Variants in PTPN4 observed in about 807,000 individuals in gnomAD.
PTPN4 encodes the protein tyrosine-protein phosphatase non-receptor type 4.
Under a neutral mutation model 135.5 loss-of-function variants are expected in PTPN4, and 49 were observed. The ratio of observed to expected loss-of-function variants is 0.36; its 90% CI spans 0.29 to 0.46. PTPN4 has a LOEUF of 0.46. Ranked by LOEUF, PTPN4 falls within the 20% of genes least tolerant of loss-of-function variation. PTPN4 has a pLI of 1.00. For synonymous variants in PTPN4, 333 were observed against 369.9 expected, an observed-to-expected ratio of 0.90 and a Z score of 1.14; for missense variants, 860 against 1,101.0, an observed-to-expected ratio of 0.78 and a Z score of 3.10.
At chr2:119,891,754 A>T (rs986988235) in intron 9 of PTPN4, among the ~76,000 whole-genome samples, 1 of 152,152 alleles carries the variant, frequency 6.6e-6, no homozygotes, top group Non-Finnish European at 1.5e-5. Flanking sequence ...CAATAATTTG[A>T]ATTCTTTATT....
At chr2:119,784,487 C>T (rs1270564935) in intron 1 of PTPN4, among the ~76,000 whole-genome samples, 5 of 149,910 alleles carry the variant, frequency 3.3e-5, no homozygotes, top group South Asian at 2.1e-4. Context: ...CCCGGGTTCA[C>T]GCCATTCTCC....
intron 9 of PTPN4, among the ~76,000 whole-genome samples, chr2:119,895,669 C>T (rs1387161568): frequency 6.6e-6 from 1 of 151,896 alleles, no homozygotes; most frequent in African/African-American, 2.4e-5. Context: ...CGCCTGTAAT[C>T]CCAGCACTTT....
chr2:119,844,898 A>G (rs2104974020), intron 2 of PTPN4, among the ~76,000 whole-genome samples: 1 of 151,556 alleles, frequency 6.6e-6, no homozygotes, highest in African/African-American at 2.4e-5. Context: ...AGGCCAAGGC[A>G]GGTGGCTGGG....
chr2:119,835,305 C>T (rs1160227029), intron 2 of PTPN4, among the ~76,000 whole-genome samples: 1 of 152,084 alleles, frequency 6.6e-6, no homozygotes, highest in East Asian at 1.9e-4. Flanking sequence ...CTGCCTCAGC[C>T]TCCTCAGTAG....
At chr2:119,952,855 G>A (rs77001152) in intron 19 of PTPN4, among the ~76,000 whole-genome samples, 4 of 152,290 alleles carry the variant, frequency 2.6e-5, no homozygotes, top group Non-Finnish European at 5.9e-5. Context: ...TACCAATATA[G>A]ATAGAGCACT....
In PTPN4 at chr2:119,954,443, C is replaced by G. The variant is rs147680757; in HGVS notation, c.1814-714C>G. Among the ~76,000 whole-genome samples the G allele has an allele frequency of 3.3e-5, 5 of 152,328 alleles. No individual in the cohort carries two copies. The East Asian group carries it at 9.6e-4, about 29-fold the overall frequency. On this transcript the variant is annotated intron_variant, in intron 19 of 26. Coordinates refer to ENST00000263708, the MANE Select transcript of PTPN4 (RefSeq NM_002830.4). The stretch of plus-strand genomic sequence containing the variant: ...CAGATCTTCATGGGTATTTTCCACA[C>G]ATCCGTTCTCTCAAGGTGGGTTCAC...
intron 2 of PTPN4, among the ~76,000 whole-genome samples, chr2:119,846,519 G>A (rs1476445992): frequency 6.7e-6 from 1 of 150,204 alleles, no homozygotes; most frequent in African/African-American, 2.4e-5. Context: ...AAAGAAAAGT[G>A]TGTCTTTCTT....
At chr2:119,882,206 G>C in intron 7 of PTPN4, 57 bp downstream of exon 7, 5 of 1,479,874 alleles carry the variant, frequency 3.4e-6, no homozygotes, top group Non-Finnish European at 4.7e-6. Flanking sequence ...TGTGTTGCTA[G>C]TACATTGGCT....
At chr2:119,893,172 A>C (rs1347336381) in intron 9 of PTPN4, among the ~76,000 whole-genome samples, 1 of 152,224 alleles carries the variant, frequency 6.6e-6, no homozygotes, top group African/African-American at 2.4e-5. Context: ...TACTAAGGGA[A>C]GAGACTGTTG....
At chr2:119,880,265 T>C (rs1366740834) in intron 5 of PTPN4, 1 of 152,196 alleles carries the variant, frequency 6.6e-6, no homozygotes, top group African/African-American at 2.4e-5. Flanking sequence ...GTTTCTACTT[T>C]TAACAGTTAA....
intron 10 of PTPN4, among the ~76,000 whole-genome samples, chr2:119,912,255 G>A (rs1248297672): frequency 2.6e-5 from 4 of 152,160 alleles, no homozygotes; most frequent in Non-Finnish European, 4.4e-5. Flanking sequence ...TTGGTCAGTG[G>A]TTACGTAGGC....
chr2:119,913,265 A>G (rs919125600), intron 10 of PTPN4, among the ~76,000 whole-genome samples: 1 of 152,126 alleles, frequency 6.6e-6, no homozygotes, highest in Non-Finnish European at 1.5e-5. Flanking sequence ...ACTGTTTTCA[A>G]ACGTGGCTGC....
chr2:119,839,139 TATC>T lies in PTPN4; in HGVS notation c.139-23394_139-23392del, dbSNP rs1359773728. Among the ~76,000 whole-genome samples, 7 of 152,312 alleles carry T rather than the reference TATC, an allele frequency of 4.6e-5. No homozygotes were observed. The East Asian group carries it at 1.3e-3, about 29-fold the overall frequency. ...AGGGTTTTTTCCCCTATGGCTTTCT[TATC>T]ATAATTAAATTAATTATTTTAATTA... On this transcript the variant is annotated intron_variant, in intron 2 of 26. Coordinates refer to ENST00000263708, the MANE Select transcript of PTPN4 (RefSeq NM_002830.4).
At chr2:119,929,291 A>T (rs1397134829) in intron 13 of PTPN4, among the ~76,000 whole-genome samples, 2 of 152,018 alleles carry the variant, frequency 1.3e-5, no homozygotes, top group Non-Finnish European at 2.9e-5. Context: ...AAATTCTCTA[A>T]TGGTTTTAGT....
At chr2:119,864,989 A>T (rs1034836952) in intron 3 of PTPN4, among the ~76,000 whole-genome samples, 9 of 152,246 alleles carry the variant, frequency 5.9e-5, no homozygotes, top group African/African-American at 2.2e-4. Flanking sequence ...TTTTCATAAG[A>T]CATTATCCCA....
intron 18 of PTPN4, among the ~76,000 whole-genome samples, chr2:119,948,583 GA>G (rs1679168490): frequency 6.6e-6 from 1 of 152,040 alleles, no homozygotes; most frequent in Non-Finnish European, 1.5e-5. Flanking sequence ...GTTTAAAGTG[GA>G]AAAATAATCA....
intron 2 of PTPN4, among the ~76,000 whole-genome samples, chr2:119,830,530 G>A (rs147531606): frequency 0.027 from 4,108 of 152,170 alleles, 80 homozygotes; most frequent in Non-Finnish European, 0.041. Flanking sequence ...GTGCAGTGGC[G>A]CGGTCTTGGC....
intron 1 of PTPN4, among the ~76,000 whole-genome samples, chr2:119,766,477 T>C (rs1463240597): frequency 3.2e-5 from 4 of 124,530 alleles, no homozygotes; most frequent in African/African-American, 7.9e-5. Context: ...TGTGTGTGTG[T>C]GTGTGTCTGT....
intron 22 of PTPN4, among the ~76,000 whole-genome samples, chr2:119,958,006 A>C (rs1183846129): frequency 6.6e-6 from 1 of 152,090 alleles, no homozygotes; most frequent in Non-Finnish European, 1.5e-5. Flanking sequence ...TGACAAGGTA[A>C]AATTTGTTAT....
Sources: allele counts gnomAD v4.1 joint callset (sites outside exome capture counted in the v4.1 genomes callset), GRCh38; gene constraint gnomAD v4.1.1; transcripts MANE v1.5; gene names NCBI Gene and HGNC (gene_info 2026-07-23, HGNC 2026-07-21).